MYPN: variants seen among roughly 807,000 people sequenced by gnomAD.
The protein encoded by MYPN is myopalladin, also known as sarcomeric protein myopalladin, 145 kDa (MYOP).
Under a neutral mutation model 129.4 loss-of-function variants are expected in MYPN, and 63 were observed. The observed-to-expected ratio is 0.49, with a 90% CI of 0.40 to 0.60. MYPN has a LOEUF of 0.60. Among genes scored for constraint, MYPN ranks in the 20% least tolerant of loss-of-function variants. MYPN has a pLI of 0.00. For synonymous variants in MYPN, 629 were observed against 600.9 expected (o/e 1.05, Z -0.68); for missense variants, 1,596 against 1,635.4 (o/e 0.98, Z 0.42).
chr10:68,096,889 T>C (rs2041959125), intron 1 of MYPN, among the ~76,000 whole-genome samples: 1 of 152,216 alleles, frequency 6.6e-6, no homozygotes, highest in Admixed American at 6.5e-5. Context: ...CCTTTTTAGA[T>C]CAGATAATAC....
intron 17 of MYPN, among the ~76,000 whole-genome samples, chr10:68,200,023 G>A (rs1413083379): frequency 6.6e-6 from 1 of 152,120 alleles, no homozygotes; most frequent in Non-Finnish European, 1.5e-5. Context: ...TAACTGAAAT[G>A]TCACCACCAG....
chr10:68,195,829 G>A (rs1226809768), intron 15 of MYPN, among the ~76,000 whole-genome samples: 1 of 152,002 alleles, frequency 6.6e-6, no homozygotes, highest in Non-Finnish European at 1.5e-5. Context: ...TAGAGACAGG[G>A]TCTCACTTTG....
At chr10:68,201,264 C>G (rs1235809714) in intron 17 of MYPN, among the ~76,000 whole-genome samples, 1 of 152,222 alleles carries the variant, frequency 6.6e-6, no homozygotes, top group Non-Finnish European at 1.5e-5. Flanking sequence ...TCAAGTATTG[C>G]CTCTCGTGGG....
chr10:68,102,882 CTTATCCCT>C (rs2041988757), upstream of MYPN, among the ~76,000 whole-genome samples: 1 of 152,198 alleles, frequency 6.6e-6, no homozygotes. Flanking sequence ...TATCTGCTTA[CTTATCCCT>C]TTTAGTGACA....
chr10:68,166,145 C>G (rs1051313436), intron 9 of MYPN, 149 bp from the exon 10 acceptor site: 39 of 902,578 alleles, frequency 4.3e-5, no homozygotes, highest in Non-Finnish European at 2.1e-5. Context: ...GTATCCTTAC[C>G]ATTCTTTAAT....
chr10:68,178,437 G>A (rs78217998), intron 12 of MYPN, among the ~76,000 whole-genome samples: 4,809 of 152,018 alleles, frequency 0.032, 251 homozygotes, highest in African/African-American at 0.11. Flanking sequence ...GATCACGGCC[G>A]GGCATGGTGG....
rs58776013 is a variant in MYPN at position 68,123,683 on chromosome 10, CAATAAATA to C, written c.902+1377_902+1384del. ...CCTGGGCGACAGAGCGAGACTCCTT[CAATAAATA>C]AATAAATAAATAAATAAATAAATAA... On this transcript the variant is annotated intron_variant, in intron 2 of 19. Transcript: ENST00000358913. 3.6e-3 allele frequency among the ~76,000 whole-genome samples: 501 copies of C among 139,650 alleles called. 2 individuals are homozygous for C. Among genetic ancestry groups the C allele is most frequent in the African/African-American group, 5.9e-3 (220 of 37,418 alleles). The allele number at this position is 139,650 out of a possible 152,430, so 91.6% of individuals were successfully genotyped here. A position where few individuals can be genotyped will look rare whatever the true frequency, so the allele number is the denominator to read the frequency against.
chr10:68,204,785 TATC>T (rs2043784933), intron 18 of MYPN, among the ~76,000 whole-genome samples: 1 of 147,458 alleles, frequency 6.8e-6, no homozygotes, highest in Non-Finnish European at 1.5e-5. Flanking sequence ...GCTTAAAATA[TATC>T]ATTAGTTTCC....
intron 1 of MYPN, among the ~76,000 whole-genome samples, chr10:68,112,551 G>A (rs368470828): frequency 7.2e-4 from 109 of 152,104 alleles, no homozygotes; most frequent in Middle Eastern, 3.4e-3. Context: ...GTCCCTAAAC[G>A]GATTCTCATT....
intron 1 of MYPN, among the ~76,000 whole-genome samples, chr10:68,093,635 T>C (rs1306132425): frequency 2.7e-5 from 4 of 149,370 alleles, no homozygotes; most frequent in African/African-American, 7.4e-5. Flanking sequence ...CGGGTGCCTG[T>C]AGTCCCAGCT....
chr10:68,159,220 T>C, intron 7 of MYPN, among the ~76,000 whole-genome samples: 1 of 152,204 alleles, frequency 6.6e-6, no homozygotes, highest in East Asian at 1.9e-4. Context: ...AAGAGGATGC[T>C]ATTAATAATT....
chr10:68,093,818 G>A (rs1030207393), intron 1 of MYPN, among the ~76,000 whole-genome samples: 2 of 151,958 alleles, frequency 1.3e-5, no homozygotes, highest in Admixed American at 1.3e-4. Flanking sequence ...GAGCTGAGTA[G>A]ACATAGACTG....
At chr10:68,128,724 C>T (rs2042363706) in intron 2 of MYPN, among the ~76,000 whole-genome samples, 1 of 152,080 alleles carries the variant, frequency 6.6e-6, no homozygotes, top group South Asian at 2.1e-4. Context: ...GGGACCAAAC[C>T]TCATGGGTTG....
intron 1 of MYPN, among the ~76,000 whole-genome samples, chr10:68,112,937 T>A (rs944007498): frequency 2.6e-5 from 4 of 152,302 alleles, no homozygotes; most frequent in Admixed American, 6.5e-5. Context: ...CTGGTTCCCG[T>A]TCACTGGGAT....
chr10:68,166,047 A>T (rs1564674745), intron 9 of MYPN, among the ~76,000 whole-genome samples: 1 of 152,182 alleles, frequency 6.6e-6, no homozygotes, highest in African/African-American at 2.4e-5. Flanking sequence ...TTTCCTGAGA[A>T]CATCTCCTCA....
intron 12 of MYPN, among the ~76,000 whole-genome samples, chr10:68,186,815 C>A (rs2043428999): frequency 6.6e-6 from 1 of 151,896 alleles, no homozygotes; most frequent in South Asian, 2.1e-4. Context: ...AATAAACAAA[C>A]AAGAAAAATA....
chr10:68,172,610 T>A (rs2043160124), intron 10 of MYPN, among the ~76,000 whole-genome samples: 3 of 152,132 alleles, frequency 2.0e-5, no homozygotes, highest in Non-Finnish European at 2.9e-5. Flanking sequence ...TTAAGGCAAA[T>A]CACGTGATGC....
chr10:68,204,725 C>CAA (rs33973275), intron 18 of MYPN, among the ~76,000 whole-genome samples: 2,593 of 89,278 alleles, frequency 0.029, 134 homozygotes, highest in African/African-American at 0.073. Flanking sequence ...GACTCTGTCT[C>CAA]AAAAAAAAAA....
intron 12 of MYPN, among the ~76,000 whole-genome samples, chr10:68,182,452 C>CATATATACAACAT (rs2043347653): frequency 5.2e-5 from 6 of 116,222 alleles, no homozygotes; most frequent in East Asian, 2.5e-4. Flanking sequence ...ATATATATAA[C>CATATATACAACAT]ATATATATAT....
Sources: allele counts gnomAD v4.1 joint callset (sites outside exome capture counted in the v4.1 genomes callset), GRCh38; gene constraint gnomAD v4.1.1; transcripts MANE v1.5; gene names NCBI Gene and HGNC (gene_info 2026-07-23, HGNC 2026-07-21).